Variants in APBB1IP observed in about 807,000 individuals in gnomAD.
The protein encoded by APBB1IP is amyloid beta A4 precursor protein-binding family B member 1-interacting protein.
Under a neutral mutation model 64.9 loss-of-function variants are expected in APBB1IP, and 27 were observed. That is an observed-to-expected ratio of 0.42 (90% CI 0.31 to 0.57). The LOEUF (loss-of-function observed/expected upper bound fraction) is 0.57, where lower values mean the gene tolerates loss of function less well. Ranked by LOEUF, APBB1IP falls within the 20% of genes least tolerant of loss-of-function variation. The pLI, the probability that APBB1IP is intolerant of heterozygous loss-of-function variation, is 0.20. For missense variants in APBB1IP, 812 were observed against 845.5 expected (o/e 0.96, Z 0.49); for synonymous variants, 392 against 331.0 (o/e 1.18, Z -2.00).
At chr10:26,452,969 CA>C (rs1835481807) in intron 2 of APBB1IP, among the ~76,000 whole-genome samples, 1 of 152,190 alleles carries the variant, frequency 6.6e-6, no homozygotes, top group Non-Finnish European at 1.5e-5. Flanking sequence ...ATACTATCTT[CA>C]TTTAAATATT....
intron 14 of APBB1IP, among the ~76,000 whole-genome samples, chr10:26,562,794 CT>C (rs1253905493): frequency 3.3e-5 from 5 of 149,918 alleles, no homozygotes; most frequent in Non-Finnish European, 5.9e-5. Context: ...AAGATCCAGT[CT>C]TAAAATAAAT....
chr10:26,471,535 G>A (rs915264193), intron 2 of APBB1IP, among the ~76,000 whole-genome samples: 28 of 152,204 alleles, frequency 1.8e-4, no homozygotes, highest in African/African-American at 6.5e-4. Flanking sequence ...AAATCATATG[G>A]TAGCTCAGAT....
chr10:26,509,014 A>G (rs527366760), intron 6 of APBB1IP, among the ~76,000 whole-genome samples: 1 of 152,316 alleles, frequency 6.6e-6, no homozygotes, highest in East Asian at 1.9e-4. Context: ...AAGCCTTAAC[A>G]TTGGTAGTGT....
intron 8 of APBB1IP, among the ~76,000 whole-genome samples, chr10:26,514,200 T>C (rs536183178): frequency 6.6e-6 from 1 of 152,242 alleles, no homozygotes; most frequent in Non-Finnish European, 1.5e-5. Context: ...TTGCTTTTTT[T>C]CATTCCAAAT....
At chr10:26,451,018 G>C (rs1263145331) in intron 2 of APBB1IP, among the ~76,000 whole-genome samples, 4 of 152,086 alleles carry the variant, frequency 2.6e-5, no homozygotes, top group Non-Finnish European at 4.4e-5. Context: ...TCTGTTTCAA[G>C]CAATGAGATG....
intron 12 of APBB1IP, 137 bp downstream of exon 12, chr10:26,560,340 A>G (rs1048435344): frequency 2.6e-6 from 2 of 761,638 alleles, no homozygotes; most frequent in Non-Finnish European, 4.4e-6. Context: ...TTATTCGCCC[A>G]GTGGGTTTTC....
chr10:26,506,256 G>GC (rs1238676203), intron 6 of APBB1IP, among the ~76,000 whole-genome samples: 3 of 141,902 alleles, frequency 2.1e-5, no homozygotes, highest in South Asian at 5.2e-4. Flanking sequence ...TGTGTGGGGG[G>GC]GGGGGGTGGG....
intron 12 of APBB1IP, among the ~76,000 whole-genome samples, 196 bp downstream of exon 12, chr10:26,560,399 T>C (rs1836952027): frequency 6.6e-6 from 1 of 152,130 alleles, no homozygotes; most frequent in Admixed American, 6.5e-5. Flanking sequence ...AACCGGATAT[T>C]TACTCATGGC....
chr10:26,541,704 G>A lies in APBB1IP; in HGVS notation c.1155+12G>A, dbSNP rs1836699606. 1.3e-6 allele frequency: 2 copies of A among 1,536,398 alleles called. No individual in the cohort carries two copies. Among genetic ancestry groups the A allele is most frequent in the Non-Finnish European group, 1.8e-6 (2 of 1,131,618 alleles). On this transcript the variant is annotated intron_variant, in intron 11 of 14. Coordinates refer to ENST00000376236, the MANE Select transcript of APBB1IP (RefSeq NM_019043.4). ...GCTTTGTTTTAAAGGTATGTTATAA[G>A]AAGTCATTCATTTAGATTTATAAGC...
chr10:26,481,998 C>A (rs1349973213), intron 2 of APBB1IP, among the ~76,000 whole-genome samples: 1 of 152,030 alleles, frequency 6.6e-6, no homozygotes, highest in Non-Finnish European at 1.5e-5. Flanking sequence ...TTTGCCATGA[C>A]AATATTGCTT....
intron 4 of APBB1IP, 149 bp from the exon 5 acceptor site, chr10:26,500,670 T>C: frequency 1.3e-6 from 1 of 778,818 alleles, no homozygotes; most frequent in Non-Finnish European, 2.0e-6. Context: ...CTTGTGCTAT[T>C]GAATTAAAAT....
chr10:26,525,950 G>T (rs1268126916), intron 8 of APBB1IP, among the ~76,000 whole-genome samples: 1 of 152,160 alleles, frequency 6.6e-6, no homozygotes, highest in Non-Finnish European at 1.5e-5. Flanking sequence ...TGGGTATAGG[G>T]TGGGCGCCTG....
intron 13 of APBB1IP, among the ~76,000 whole-genome samples, chr10:26,561,073 T>TTTTTC (rs1836964913): frequency 8.1e-6 from 1 of 124,192 alleles, no homozygotes; most frequent in Non-Finnish European, 1.7e-5. Flanking sequence ...TCTTTTTTTT[T>TTTTTC]TTTTTTTTTT....
rs536467697 is a variant in APBB1IP, at chr10:26,445,693, T to G, written c.-1+6840T>G. 2.0e-5 allele frequency among the ~76,000 whole-genome samples: 3 copies of G among 152,352 alleles called. No homozygotes were observed. The South Asian group carries it at 6.2e-4, about 32-fold the overall frequency. ...GTTTTTTGTGCCCGGAGGTTTCAAA[T>G]GTTTAGAATTTCAAAATCCAAACCA... is the stretch of plus-strand genomic sequence containing the variant. On this transcript the variant is annotated intron_variant, in intron 2 of 14. Coordinates refer to ENST00000376236, the MANE Select transcript of APBB1IP (RefSeq NM_019043.4).
At chr10:26,458,255 G>A (rs528442949) in intron 2 of APBB1IP, among the ~76,000 whole-genome samples, 12 of 152,256 alleles carry the variant, frequency 7.9e-5, no homozygotes, top group African/African-American at 2.6e-4. Context: ...GAGCGAGGTG[G>A]CATGCACCCT....
At chr10:26,551,445 G>C (rs1440246420) in intron 11 of APBB1IP, among the ~76,000 whole-genome samples, 1 of 152,176 alleles carries the variant, frequency 6.6e-6, no homozygotes, top group African/African-American at 2.4e-5. Context: ...CAGTCCAGCG[G>C]GGCTTCCCAG....
intron 11 of APBB1IP, among the ~76,000 whole-genome samples, chr10:26,550,040 CT>C (rs902040945): frequency 8.6e-4 from 129 of 150,506 alleles, no homozygotes; most frequent in African/African-American, 3.0e-3. Context: ...TTTTTTTAAT[CT>C]TTTTTTTAAT....
intron 2 of APBB1IP, among the ~76,000 whole-genome samples, chr10:26,445,683 A>T (rs887645145): frequency 2.0e-5 from 3 of 152,338 alleles, no homozygotes; most frequent in Non-Finnish European, 4.4e-5. Flanking sequence ...TTGTGCCCGG[A>T]GGTTTCAAAT....
intron 8 of APBB1IP, among the ~76,000 whole-genome samples, chr10:26,527,609 C>G (rs181570723): frequency 4.6e-5 from 7 of 150,996 alleles, no homozygotes; most frequent in Non-Finnish European, 8.8e-5. Flanking sequence ...CAGACATTTC[C>G]TCTCTCCAGG....
Sources: allele counts gnomAD v4.1 joint callset (sites outside exome capture counted in the v4.1 genomes callset), GRCh38; gene constraint gnomAD v4.1.1; transcripts MANE v1.5; gene names NCBI Gene and HGNC (gene_info 2026-07-23, HGNC 2026-07-21).